Variants in PID1 observed in about 807,000 individuals in gnomAD.
The protein encoded by PID1 is PTB-containing, cubilin and LRP1-interacting protein.
Under a neutral mutation model 19.1 loss-of-function variants are expected in PID1, and 10 were observed. The observed-to-expected ratio is 0.52, with a 90% CI of 0.32 to 0.89. PID1 has a LOEUF of 0.89. Among genes scored for constraint, PID1 ranks in the 40% least tolerant of loss-of-function variants. The probability of loss-of-function intolerance (pLI) is 0.03; values close to 1 mark genes in which losing one functional copy is unlikely to be tolerated. For missense variants in PID1, 248 were observed against 285.3 expected (o/e 0.87, Z 0.94); for synonymous variants, 130 against 116.0 (o/e 1.12, Z -0.78).
chr2:229,069,355 G>A (rs1161931196), intron 2 of PID1, among the ~76,000 whole-genome samples: 2 of 152,066 alleles, frequency 1.3e-5, no homozygotes, highest in Non-Finnish European at 2.9e-5. Context: ...AGGGAGAGAG[G>A]CGCCAGGCAC....
intron 1 of PID1, among the ~76,000 whole-genome samples, chr2:229,245,736 AC>A (rs1360353368): frequency 1.3e-5 from 2 of 152,006 alleles, no homozygotes; most frequent in African/African-American, 2.4e-5. Flanking sequence ...ATTTTATTAG[AC>A]TCATTTTGCT....
At chr2:229,066,225 C>T (rs952530379) in intron 2 of PID1, among the ~76,000 whole-genome samples, 5 of 152,142 alleles carry the variant, frequency 3.3e-5, no homozygotes, top group African/African-American at 9.7e-5. Flanking sequence ...TTAATCTACA[C>T]CAGGCACTGT....
Position 229,049,973 on chromosome 2 carries a change from A to G in PID1, c.178-23865T>C, listed in dbSNP as rs185526366. 8.5e-5 allele frequency among the ~76,000 whole-genome samples: 13 copies of G among 152,338 alleles called. No individual in the cohort carries two copies. In the South Asian group the frequency reaches 2.3e-3, roughly 27 times the overall value. The stretch of plus-strand genomic sequence containing the variant: ...TTTATATATACACATTTGTATCTAC[A>G]TGTACACACCTACGTATAATTAACC... On this transcript the variant is annotated intron_variant, in intron 2 of 2. Coordinates refer to ENST00000392055, the MANE Select transcript of PID1 (RefSeq NM_001100818.2).
intron 1 of PID1, among the ~76,000 whole-genome samples, chr2:229,264,356 C>T (rs1690539662): frequency 6.6e-6 from 1 of 152,048 alleles, no homozygotes; most frequent in Admixed American, 6.6e-5. Context: ...ACCTGGAGAC[C>T]ACCGCCTGGC....
At chr2:229,169,229 C>T (rs1322794685) in intron 1 of PID1, among the ~76,000 whole-genome samples, 1 of 152,128 alleles carries the variant, frequency 6.6e-6, no homozygotes. Context: ...CCATGGTCTT[C>T]CTGTGATTTG....
intron 2 of PID1, among the ~76,000 whole-genome samples, chr2:229,153,028 G>C (rs1690289954): frequency 6.6e-6 from 1 of 152,152 alleles, no homozygotes; most frequent in Non-Finnish European, 1.5e-5. Flanking sequence ...TTCTGCAGCT[G>C]GCATCTTGTG....
intron 2 of PID1, among the ~76,000 whole-genome samples, chr2:229,027,763 G>A (rs1693457433): frequency 6.6e-6 from 1 of 152,222 alleles, no homozygotes; most frequent in Non-Finnish European, 1.5e-5. Flanking sequence ...GTGCTAACCT[G>A]AGCACACGTA....
intron 1 of PID1, among the ~76,000 whole-genome samples, chr2:229,194,889 A>G (rs1413051259): frequency 6.9e-6 from 1 of 145,474 alleles, no homozygotes; most frequent in Non-Finnish European, 1.5e-5. Flanking sequence ...CACACACCCG[A>G]AAAAAGCTCA....
chr2:229,181,267 C>T (rs575942835), intron 1 of PID1, among the ~76,000 whole-genome samples: 38 of 152,086 alleles, frequency 2.5e-4, no homozygotes, highest in African/African-American at 8.9e-4. Flanking sequence ...CAGATGAGGC[C>T]CCGAAGGGAG....
Position 229,252,805 on chromosome 2 carries a change from G to A in PID1, c.30+18209C>T, listed in dbSNP as rs377681989. ...AATACTAATTTGAATTTCTTTGGTTGCACAACACTTCCCCAAATTTGCACT... is the reference window on the plus strand; with the variant it reads ...AATACTAATTTGAATTTCTTTGGTTACACAACACTTCCCCAAATTTGCACT... On this transcript the variant is annotated intron_variant, in intron 1 of 2. Transcript: ENST00000392055. Among the ~76,000 whole-genome samples, 73 of 152,206 alleles carry A rather than the reference G, an allele frequency of 4.8e-4. 1 individual carries two copies. Among genetic ancestry groups the A allele is most frequent in the East Asian group, 1.2e-3 (6 of 5,180 alleles).
rs549722643 is a variant in PID1, at chr2:229,232,734, TTAA to T, written c.30+38277_30+38279del. 2.2e-4 allele frequency among the ~76,000 whole-genome samples: 33 copies of T among 148,628 alleles called. No individual in the cohort carries two copies. In the South Asian group the frequency reaches 3.8e-3, roughly 17 times the overall value. On this transcript the variant is annotated intron_variant, in intron 1 of 2. Coordinates refer to ENST00000392055, the MANE Select transcript of PID1 (RefSeq NM_001100818.2). ...CACATTCCAATATGATGCATTGTTG[TTAA>T]TAATGTTTGTTGACTGACCAAAAAT...
chr2:229,147,491 T>C (rs1690159256), intron 2 of PID1, among the ~76,000 whole-genome samples: 2 of 151,972 alleles, frequency 1.3e-5, no homozygotes, highest in South Asian at 4.1e-4. Flanking sequence ...CAGCGTTCTA[T>C]TACAAATATC....
chr2:229,138,684 C>A (rs1211941518), intron 2 of PID1, among the ~76,000 whole-genome samples: 1 of 152,008 alleles, frequency 6.6e-6, no homozygotes, highest in Non-Finnish European at 1.5e-5. Flanking sequence ...TGGGAGTCCA[C>A]ATAGTTTGAG....
At chr2:229,106,539 G>A (rs1160093468) in intron 2 of PID1, among the ~76,000 whole-genome samples, 1 of 152,174 alleles carries the variant, frequency 6.6e-6, no homozygotes, top group Non-Finnish European at 1.5e-5. Context: ...TCATGAGAGT[G>A]GGACCCTTAT....
At chr2:229,044,237 ACCTGACGCATG>A (rs1268758654) in intron 2 of PID1, among the ~76,000 whole-genome samples, 3 of 151,350 alleles carry the variant, frequency 2.0e-5, no homozygotes, top group Non-Finnish European at 2.9e-5. Context: ...TTCCCCCATC[ACCTGACGCATG>A]AGGATGCTGA....
At chr2:229,108,228 T>G (rs910769408) in intron 2 of PID1, among the ~76,000 whole-genome samples, 1 of 152,258 alleles carries the variant, frequency 6.6e-6, no homozygotes. Context: ...GCAATCCTTT[T>G]TAAAAATTAT....
At chr2:229,133,098 T>G (rs1329745036) in intron 2 of PID1, among the ~76,000 whole-genome samples, 1 of 152,250 alleles carries the variant, frequency 6.6e-6, no homozygotes, top group Admixed American at 6.5e-5. Context: ...TTATTTTGAT[T>G]GCTAGACACA....
intron 2 of PID1, among the ~76,000 whole-genome samples, chr2:229,084,211 A>G (rs1030894265): frequency 1.3e-5 from 2 of 152,190 alleles, no homozygotes; most frequent in Admixed American, 1.3e-4. Context: ...TTTCAGGGAT[A>G]GAGAGGTGAC....
At chr2:229,090,585 C>T (rs1694852971) in intron 2 of PID1, among the ~76,000 whole-genome samples, 1 of 152,148 alleles carries the variant, frequency 6.6e-6, no homozygotes, top group Admixed American at 6.6e-5. Context: ...CTTAGTCCTA[C>T]TCCTCCAGCT....
Sources: allele counts gnomAD v4.1 joint callset (sites outside exome capture counted in the v4.1 genomes callset), GRCh38; gene constraint gnomAD v4.1.1; transcripts MANE v1.5; gene names NCBI Gene and HGNC (gene_info 2026-07-23, HGNC 2026-07-21).